The following BCL2L11 variants were observed in gnomAD, a reference collection of about 807,000 sequenced individuals.
BCL2L11 encodes BCL2 like 11, also known as bcl-2-like protein 11.
Under a neutral mutation model 20.6 loss-of-function variants are expected in BCL2L11, and 15 were observed. That is an observed-to-expected ratio of 0.73 (90% CI 0.49 to 1.12). BCL2L11 has a LOEUF of 1.12. Among genes scored for constraint, BCL2L11 ranks in the 50% most tolerant of loss-of-function variants. The pLI, the probability that BCL2L11 is intolerant of heterozygous loss-of-function variation, is 0.00. For synonymous variants in BCL2L11, 108 were observed against 92.8 expected (o/e 1.16, Z -0.94); for missense variants, 292 against 260.9 (o/e 1.12, Z -0.82).
chr2:111,131,788 C>T (rs1425364201), intron 2 of BCL2L11: 6 of 152,146 alleles, frequency 3.9e-5, no homozygotes, highest in African/African-American at 1.4e-4. Context: ...TGCATGGTTA[C>T]ACTCCAGACC....
In BCL2L11 at chr2:111,164,283, C is replaced by T; in HGVS notation, c.*52C>T. ...ATGCAGACATTTTGCTTGTTCAAAC[C>T]AACAAGACCCAGCACCGCGGTCTCC... On this transcript the variant is annotated 3_prime_UTR_variant, in exon 4 of 4. Transcript: ENST00000393256. The T allele has an allele frequency of 6.7e-6, 9 of 1,341,364 alleles. No homozygotes were observed. The highest frequency in any genetic ancestry group is 8.6e-6 in the Non-Finnish European group (8 of 931,438). The allele number at this position is 1,341,364 out of a possible 1,614,324, so 83.1% of individuals were successfully genotyped here.
Position 111,133,056 on chromosome 2 carries a change from A to T in BCL2L11, c.394+8917A>T, listed in dbSNP as rs182771450. ...CTATTTTGGTGACTGAACAAAAGAA[A>T]ACAGATTCTTAACTGAACTTATGCA... On this transcript the variant is annotated intron_variant, in intron 2 of 3. Coordinates refer to ENST00000393256, the MANE Select transcript of BCL2L11 (RefSeq NM_138621.5). Among the ~76,000 whole-genome samples, 17 of 152,294 alleles carry T rather than the reference A, an allele frequency of 1.1e-4. No homozygotes were observed. In the East Asian group the frequency reaches 2.9e-3, roughly 26 times the overall value.
At chr2:111,129,736 G>A (rs932100373) in intron 2 of BCL2L11, among the ~76,000 whole-genome samples, 1 of 152,126 alleles carries the variant, frequency 6.6e-6, no homozygotes, top group Non-Finnish European at 1.5e-5. Context: ...CCACCACAAG[G>A]ATTTCTCATG....
Position 111,167,214 on chromosome 2 carries a change from T to A in BCL2L11, c.*2983T>A, listed in dbSNP as rs1052503532. 1.3e-5 allele frequency: 2 copies of A among 152,346 alleles called. No individual in the cohort carries two copies. The highest frequency in any genetic ancestry group is 4.8e-5 in the African/African-American group (2 of 41,448). The allele number at this position is 152,346 out of a possible 1,614,324, so 9.4% of individuals were successfully genotyped here. ...GAGTTGTCGGGGGTGACTGGAGAGC[T>A]CATTGCAGACCACGTGGTCCTCCAG... is the stretch of plus-strand genomic sequence containing the variant. On this transcript the variant is annotated 3_prime_UTR_variant, in exon 4 of 4. Coordinates refer to ENST00000393256, the MANE Select transcript of BCL2L11 (RefSeq NM_138621.5).
intron 2 of BCL2L11, among the ~76,000 whole-genome samples, chr2:111,149,448 A>T (rs943364613): frequency 6.6e-6 from 1 of 152,206 alleles, no homozygotes; most frequent in Non-Finnish European, 1.5e-5. Flanking sequence ...ATTGAGACAA[A>T]ACATGCAATT....
At position 111,122,709 on chromosome 2, in the gene BCL2L11, G is replaced by A. The variant is rs1350375434; in HGVS notation, c.-13-1024G>A. 20 of 982,110 alleles carry A rather than the reference G, an allele frequency of 2.0e-5. 1 individual carries two copies. The highest frequency in any genetic ancestry group is 1.2e-4 in the Admixed American group (2 of 16,068). The allele number at this position is 982,110 out of a possible 1,614,324, so 60.8% of individuals were successfully genotyped here. ...GCGGGCCAGAGGCGCGGCGTGCGGA[G>A]CCCTCGGCTGCCCGGCGGAGCGCGG... On this transcript the variant is annotated intron_variant, in intron 1 of 3. Transcript: ENST00000393256.
At chr2:111,153,683 A>G (rs2077500915) in intron 3 of BCL2L11, 1 of 1,425,984 alleles carries the variant, frequency 7.0e-7, no homozygotes, top group Non-Finnish European at 9.7e-7. Context: ...GAGTGTCTTT[A>G]TTTGCTTAAT....
At position 111,120,967 on chromosome 2, in the gene BCL2L11, CGCCGCTGCCGCT is replaced by C. The variant is rs1227503758; in HGVS notation, c.-229_-218del. The stretch of plus-strand genomic sequence containing the variant: ...CAGTTTGTTGGAGCTCTGCGTCCAG[CGCCGCTGCCGCT>C]GCCGCCGCCGCCGCCGCCGCCGCCG... On this transcript the variant is annotated 5_prime_UTR_variant, in exon 1 of 4. Transcript: ENST00000393256. The C allele has an allele frequency of 2.6e-6, 1 of 378,044 alleles. No homozygotes were observed. The highest frequency in any genetic ancestry group is 2.3e-5 in the African/African-American group (1 of 43,150). 23.4% of individuals were successfully genotyped at this position (378,044 alleles called of 1,614,324 possible). A position where few individuals can be genotyped will look rare whatever the true frequency, so the allele number is the denominator to read the frequency against.
chr2:111,166,271 A>G lies in BCL2L11; in HGVS notation c.*2040A>G, dbSNP rs1383260576. 5 of 152,780 alleles carry G rather than the reference A, an allele frequency of 3.3e-5. No individual in the cohort carries two copies. The highest frequency in any genetic ancestry group is 7.3e-5 in the Non-Finnish European group (5 of 68,118). The allele number at this position is 152,780 out of a possible 1,614,324, so 9.5% of individuals were successfully genotyped here. ...CCTCAGCCCTGCAGCCCCTGGGAGC[A>G]CACACTGGGTGCAGCCCTGGGCCAG... On this transcript the variant is annotated 3_prime_UTR_variant, in exon 4 of 4. Coordinates refer to ENST00000393256, the MANE Select transcript of BCL2L11 (RefSeq NM_138621.5).
intron 2 of BCL2L11, among the ~76,000 whole-genome samples, chr2:111,127,739 C>T (rs528420067): frequency 6.6e-6 from 1 of 152,232 alleles, no homozygotes; most frequent in African/African-American, 2.4e-5. Flanking sequence ...AGGTCTAGCT[C>T]AGCACTACTC....
intron 2 of BCL2L11, chr2:111,142,477 C>T: frequency 9.7e-7 from 1 of 1,028,150 alleles, no homozygotes; most frequent in Non-Finnish European, 1.5e-6. Flanking sequence ...TTCATTATGT[C>T]TTAGCCCTAC....
chr2:111,161,609 A>C, intron 3 of BCL2L11: 1 of 1,489,822 alleles, frequency 6.7e-7, no homozygotes, highest in Non-Finnish European at 8.9e-7. Flanking sequence ...TGCAAATGAC[A>C]GCTCCTGGCT....
At chr2:111,164,075 A>T in intron 3 of BCL2L11, 58 bp from the exon 4 acceptor site, 1 of 564,534 alleles carries the variant, frequency 1.8e-6, no homozygotes, top group Non-Finnish European at 3.6e-6. Flanking sequence ...ATGGGCTCCC[A>T]CCCCTCCCCA....
chr2:111,144,635 T>TA (rs1430180990), intron 2 of BCL2L11: 5 of 1,306,028 alleles, frequency 3.8e-6, no homozygotes, highest in Non-Finnish European at 5.3e-6. Context: ...GAAGGAGACT[T>TA]ACAGAGTTGA....
intron 3 of BCL2L11, 148 bp downstream of exon 3, chr2:111,150,295 T>C (rs1343796720): frequency 6.9e-7 from 1 of 1,447,358 alleles, no homozygotes; most frequent in East Asian, 2.7e-5. Flanking sequence ...TGTTTCTCCT[T>C]TCCCATTTTT....
At chr2:111,154,794 A>T (rs2077641238) in intron 3 of BCL2L11, among the ~76,000 whole-genome samples, 1 of 152,260 alleles carries the variant, frequency 6.6e-6, no homozygotes, top group African/African-American at 2.4e-5. Flanking sequence ...TCTCTTATAT[A>T]GTTATTTAGT....
rs1036880838 is a variant in BCL2L11 at position 111,164,840 on chromosome 2, A to C, written c.*609A>C. On this transcript the variant is annotated 3_prime_UTR_variant, in exon 4 of 4. Transcript: ENST00000393256. Reference sequence around the variant, plus strand: ...TTCTTTTGAAATGGAACTGATTAAAAGGGCAGAGGGTCTGTTGCCAGCCTG... The same window carrying C: ...TTCTTTTGAAATGGAACTGATTAAACGGGCAGAGGGTCTGTTGCCAGCCTG... 5 of 152,680 alleles carry C rather than the reference A, an allele frequency of 3.3e-5. No homozygotes were observed. The highest frequency in any genetic ancestry group is 1.2e-4 in the African/African-American group (5 of 41,462). 9.5% of individuals were successfully genotyped at this position (152,680 alleles called of 1,614,324 possible).
intron 3 of BCL2L11, among the ~76,000 whole-genome samples, chr2:111,153,080 A>G (rs182410151): frequency 6.6e-6 from 1 of 152,324 alleles, no homozygotes; most frequent in Non-Finnish European, 1.5e-5. Flanking sequence ...GATTTTATAA[A>G]TAGCGCAAAA....
At chr2:111,156,688 C>G (rs1197653736) in intron 3 of BCL2L11, among the ~76,000 whole-genome samples, 1 of 152,132 alleles carries the variant, frequency 6.6e-6, no homozygotes, top group East Asian at 1.9e-4. Context: ...GAAAACACGA[C>G]TCACAGAGAA....
Sources: allele counts gnomAD v4.1 joint callset (sites outside exome capture counted in the v4.1 genomes callset), GRCh38; gene constraint gnomAD v4.1.1; transcripts MANE v1.5; gene names NCBI Gene and HGNC (gene_info 2026-07-23, HGNC 2026-07-21).